SPMIP2: variants seen among roughly 807,000 people sequenced by gnomAD.
SPMIP2 encodes the protein protein SPMIP2.
chr4:158,987,848 G>T, the SPMIP2 span, among the ~76,000 whole-genome samples: 1 of 151,870 alleles, frequency 6.6e-6, no homozygotes, highest in East Asian at 1.9e-4. Context: ...AGAGAAGCAA[G>T]AGCAAACAAA....
the SPMIP2 span, chr4:158,905,457 A>G: frequency 6.6e-6 from 1 of 152,238 alleles, no homozygotes; most frequent in Non-Finnish European, 1.5e-5. Flanking sequence ...GTTAATACAA[A>G]TGACTATTTT....
the SPMIP2 span, chr4:158,904,388 T>C: frequency 7.6e-7 from 1 of 1,308,300 alleles, no homozygotes; most frequent in Non-Finnish European, 1.1e-6. Context: ...AATAATACTT[T>C]CTCATAAAAA....
chr4:158,916,881 C>G, the SPMIP2 span, among the ~76,000 whole-genome samples: 1 of 152,170 alleles, frequency 6.6e-6, no homozygotes, highest in African/African-American at 2.4e-5. Context: ...TGACCTCAGG[C>G]CATCCTCCCA....
the SPMIP2 span, among the ~76,000 whole-genome samples, chr4:158,998,302 T>G: frequency 2.6e-5 from 4 of 152,248 alleles, no homozygotes; most frequent in Non-Finnish European, 4.4e-5. Flanking sequence ...AATCCTGTTC[T>G]ACAGCAGTTT....
chr4:158,979,801 T>G, the SPMIP2 span, among the ~76,000 whole-genome samples: 42 of 147,472 alleles, frequency 2.8e-4, no homozygotes, highest in East Asian at 1.4e-3. Context: ...TTTTTTTTTT[T>G]TTTTTTTTTT....
the SPMIP2 span, among the ~76,000 whole-genome samples, chr4:158,930,462 C>G: frequency 6.6e-6 from 1 of 151,366 alleles, no homozygotes; most frequent in South Asian, 2.1e-4. Flanking sequence ...CCCATATCAG[C>G]CTCCCAAAGT....
chr4:159,051,651 CTTTT>C, the SPMIP2 span, among the ~76,000 whole-genome samples: 1 of 152,166 alleles, frequency 6.6e-6, no homozygotes, highest in Non-Finnish European at 1.5e-5. Context: ...CTCTTTCATT[CTTTT>C]GTCATTCTCA....
At chr4:159,073,351 A>C in the SPMIP2 span, among the ~76,000 whole-genome samples, 1 of 151,828 alleles carries the variant, frequency 6.6e-6, no homozygotes, top group African/African-American at 2.4e-5. Flanking sequence ...ATGGGGTTTC[A>C]CCATGTTGCC....
At chr4:158,968,322 T>C in the SPMIP2 span, among the ~76,000 whole-genome samples, 49,964 of 151,968 alleles carry the variant, frequency 0.33, 8,418 homozygotes, top group South Asian at 0.44. Context: ...AGCCACCATG[T>C]CCGGCCTCAA....
At chr4:159,014,298 C>T in the SPMIP2 span, among the ~76,000 whole-genome samples, 7 of 151,780 alleles carry the variant, frequency 4.6e-5, no homozygotes, top group African/African-American at 1.7e-4. Flanking sequence ...ACTAAAAATA[C>T]AAAAATTAGC....
At chr4:159,082,163 CAA>C in the SPMIP2 span, among the ~76,000 whole-genome samples, 1,521 of 102,556 alleles carry the variant, frequency 0.015, 8 homozygotes, top group Non-Finnish European at 0.018. Context: ...GCTAAGAATG[CAA>C]AAAAAAAAAA....
chr4:158,979,989 G>A, the SPMIP2 span, among the ~76,000 whole-genome samples: 6 of 152,108 alleles, frequency 3.9e-5, no homozygotes, highest in East Asian at 1.9e-4. Flanking sequence ...GTCTGAAACC[G>A]ACCTGGGACG....
the SPMIP2 span, among the ~76,000 whole-genome samples, chr4:158,941,607 T>C: frequency 3.3e-5 from 5 of 152,172 alleles, no homozygotes; most frequent in African/African-American, 1.2e-4. Context: ...TGCTGTGAGC[T>C]ATGATCACAT....
chr4:159,016,739 C>A, the SPMIP2 span, among the ~76,000 whole-genome samples: 3 of 152,156 alleles, frequency 2.0e-5, no homozygotes, highest in East Asian at 3.8e-4. Flanking sequence ...TTGACAGCAG[C>A]CTGCCCCCCA....
chr4:159,071,145 A>T, the SPMIP2 span, among the ~76,000 whole-genome samples: 2 of 152,230 alleles, frequency 1.3e-5, no homozygotes, highest in Non-Finnish European at 2.9e-5. Context: ...AGCAAAAAAA[A>T]TTATTAGTGG....
the SPMIP2 span, among the ~76,000 whole-genome samples, chr4:158,992,518 G>A: frequency 1.6e-3 from 248 of 152,070 alleles, 3 homozygotes; most frequent in East Asian, 0.042. Flanking sequence ...GTTGTTCTGT[G>A]GACTGCAGTA....
chr4:159,019,714 G>A, the SPMIP2 span, among the ~76,000 whole-genome samples: 22 of 152,126 alleles, frequency 1.4e-4, no homozygotes, highest in African/African-American at 4.8e-5. Flanking sequence ...GGTCAACTTA[G>A]GCCAGAGTGT....
At chr4:159,071,988 G>C in the SPMIP2 span, among the ~76,000 whole-genome samples, 1 of 152,192 alleles carries the variant, frequency 6.6e-6, no homozygotes, top group Non-Finnish European at 1.5e-5. Flanking sequence ...AGTTCCAAAT[G>C]AATTCACAAA....
the SPMIP2 span, among the ~76,000 whole-genome samples, chr4:158,935,906 G>A: frequency 6.6e-6 from 1 of 152,238 alleles, no homozygotes; most frequent in Non-Finnish European, 1.5e-5. Context: ...CTGCTGCTGA[G>A]CTGGGTCTTT....
Sources: gnomAD v4.1 joint callset for allele counts (sites outside exome capture counted in the v4.1 genomes callset) on GRCh38, gnomAD v4.1.1 for gene constraint, MANE v1.5 for transcripts, NCBI Gene and HGNC (gene_info 2026-07-23, HGNC 2026-07-21) for gene names.